MPP7: variants seen among roughly 807,000 people sequenced by gnomAD.
MPP7 encodes the protein MAGUK p55 subfamily member 7.
In MPP7, 60 loss-of-function variants were observed where a neutral mutation model predicts 76.5. The ratio of observed to expected loss-of-function variants is 0.78; its 90% CI spans 0.64 to 0.97. The LOEUF is 0.97. Among genes scored for constraint, MPP7 ranks in the 50% least tolerant of loss-of-function variants. The pLI, the probability that MPP7 is intolerant of heterozygous loss-of-function variation, is 0.00. For missense variants in MPP7, 641 were observed against 694.0 expected (o/e 0.92, Z 0.86); for synonymous variants, 237 against 244.5 (o/e 0.97, Z 0.29).
At chr10:28,296,885 T>TA (rs1302494950) in intron 1 of MPP7, among the ~76,000 whole-genome samples, 1 of 152,170 alleles carries the variant, frequency 6.6e-6, no homozygotes, top group Non-Finnish European at 1.5e-5. Flanking sequence ...AAAGACTCAG[T>TA]AATCTAAGAA....
At chr10:28,115,013 A>C (rs1834617684) in intron 11 of MPP7, among the ~76,000 whole-genome samples, 1 of 151,966 alleles carries the variant, frequency 6.6e-6, no homozygotes. Flanking sequence ...TTCCACCCAA[A>C]CTCTGAACTC....
intron 11 of MPP7, among the ~76,000 whole-genome samples, chr10:28,091,342 C>G (rs1481385711): frequency 6.8e-6 from 1 of 147,716 alleles, no homozygotes; most frequent in Admixed American, 6.8e-5. Context: ...GGCTAGAGTG[C>G]AATGGCATGA....
intron 2 of MPP7, among the ~76,000 whole-genome samples, chr10:28,329,103 C>T (rs1215046854): frequency 6.6e-6 from 1 of 152,208 alleles, no homozygotes; most frequent in Non-Finnish European, 1.5e-5. Flanking sequence ...TGCCCACCTC[C>T]TTGCCTTCAA....
intron 2 of MPP7, among the ~76,000 whole-genome samples, chr10:28,225,057 A>G (rs143857068): frequency 1.9e-4 from 29 of 152,262 alleles, no homozygotes; most frequent in African/African-American, 6.7e-4. Flanking sequence ...CAGGATAAAA[A>G]CTGGTAGTCA....
At chr10:28,166,454 C>T (rs942388813) in intron 3 of MPP7, among the ~76,000 whole-genome samples, 1 of 129,268 alleles carries the variant, frequency 7.7e-6, no homozygotes, top group Non-Finnish European at 1.5e-5. Flanking sequence ...GTTGCTCAGG[C>T]TGGAGTGCAG....
chr10:28,250,330 T>C (rs1839574538), intron 1 of MPP7, among the ~76,000 whole-genome samples: 1 of 152,202 alleles, frequency 6.6e-6, no homozygotes, highest in African/African-American at 2.4e-5. Context: ...AAGATGGACA[T>C]ATGGGTATTC....
intron 2 of MPP7, among the ~76,000 whole-genome samples, chr10:28,210,357 T>C (rs962902120): frequency 2.6e-4 from 39 of 152,310 alleles, no homozygotes; most frequent in African/African-American, 9.4e-4. Context: ...CCTGTCTCCA[T>C]GTGTGTACGT....
At chr10:28,249,591 A>G (rs1464009160) in intron 1 of MPP7, among the ~76,000 whole-genome samples, 3 of 152,168 alleles carry the variant, frequency 2.0e-5, no homozygotes, top group South Asian at 2.1e-4. Flanking sequence ...TACACCGCCA[A>G]AAAAGGTCAT....
chr10:28,112,131 T>C (rs919644349), intron 11 of MPP7, among the ~76,000 whole-genome samples: 1 of 152,208 alleles, frequency 6.6e-6, no homozygotes. Context: ...TGTGACTTTA[T>C]TTAAGCACAT....
chr10:28,309,147 A>G (rs1693698154), intron 2 of MPP7, among the ~76,000 whole-genome samples: 1 of 152,194 alleles, frequency 6.6e-6, no homozygotes, highest in Admixed American at 6.5e-5. Flanking sequence ...ACCAGAACTC[A>G]TGTTAATAAA....
At chr10:28,207,978 T>C (rs1183949566) in intron 2 of MPP7, among the ~76,000 whole-genome samples, 2 of 152,166 alleles carry the variant, frequency 1.3e-5, no homozygotes, top group African/African-American at 4.8e-5. Context: ...AGCTCTGCAG[T>C]AATTTGAACA....
chr10:28,144,051 C>T (rs1472063320), intron 5 of MPP7, among the ~76,000 whole-genome samples: 4 of 152,042 alleles, frequency 2.6e-5, no homozygotes, highest in South Asian at 2.1e-4. Context: ...CCACCATACC[C>T]GGGATTTTTG....
At chr10:28,147,383 T>G in intron 5 of MPP7, 100 bp downstream of exon 5, 1 of 882,472 alleles carries the variant, frequency 1.1e-6, no homozygotes, top group Non-Finnish European at 1.9e-6. Context: ...CTATTCAAAA[T>G]ACATTTACTT....
chr10:28,185,801 T>C (rs1351683211), intron 3 of MPP7, among the ~76,000 whole-genome samples: 1 of 152,194 alleles, frequency 6.6e-6, no homozygotes, highest in East Asian at 1.9e-4. Context: ...AATGTGGTGG[T>C]GAATAGGCCT....
At chr10:28,057,913 A>G in intron 15 of MPP7, 2 of 1,169,642 alleles carry the variant, frequency 1.7e-6, no homozygotes, top group South Asian at 3.1e-5. Context: ...TTGATAGGGA[A>G]TTGAATGGCC....
intron 12 of MPP7, among the ~76,000 whole-genome samples, chr10:28,085,870 A>G (rs1852983610): frequency 6.6e-6 from 1 of 152,158 alleles, no homozygotes; most frequent in Admixed American, 6.5e-5. Context: ...ATAAAGTGAG[A>G]AAAGGGAGGG....
chr10:28,285,093 A>C (rs1235232370), intron 1 of MPP7, among the ~76,000 whole-genome samples: 2 of 152,244 alleles, frequency 1.3e-5, no homozygotes. Flanking sequence ...CAACCTGAAC[A>C]GTCCTGTTCT....
At chr10:28,159,089 T>A (rs1836169791) in intron 3 of MPP7, among the ~76,000 whole-genome samples, 1 of 152,164 alleles carries the variant, frequency 6.6e-6, no homozygotes, top group Admixed American at 6.5e-5. Context: ...TAAATTGAGC[T>A]TTTAATAATT....
At chr10:28,201,555 G>A (rs2133982951) in intron 3 of MPP7, among the ~76,000 whole-genome samples, 1 of 152,230 alleles carries the variant, frequency 6.6e-6, no homozygotes, top group Non-Finnish European at 1.5e-5. Flanking sequence ...CACTCCCAAT[G>A]TTGCTGTATG....
Sources: allele counts gnomAD v4.1 joint callset (sites outside exome capture counted in the v4.1 genomes callset), GRCh38; gene constraint gnomAD v4.1.1; transcripts MANE v1.5; gene names NCBI Gene and HGNC (gene_info 2026-07-23, HGNC 2026-07-21).